Variants in NTRK2 observed in about 807,000 individuals in gnomAD.
NTRK2 encodes the protein neurotrophic receptor tyrosine kinase 2.
Under a neutral mutation model 94.5 loss-of-function variants are expected in NTRK2, and 13 were observed. That is an observed-to-expected ratio of 0.14 (90% CI 0.09 to 0.22). The LOEUF (loss-of-function observed/expected upper bound fraction) is 0.22. NTRK2 is among the 10% of genes least tolerant of loss of function. The pLI is 1.00. For synonymous variants in NTRK2, 372 were observed against 407.4 expected (o/e 0.91, Z 1.05); for missense variants, 639 against 1,071.2 (o/e 0.60, Z 5.63).
chr9:84,940,301 C>G (rs773183823), intron 15 of NTRK2, among the ~76,000 whole-genome samples: 17 of 152,180 alleles, frequency 1.1e-4, no homozygotes, highest in Non-Finnish European at 1.8e-4. Flanking sequence ...ATGAGAAGAG[C>G]TGGTATCTGA....
chr9:84,797,698 T>A (rs1196374914), intron 12 of NTRK2, among the ~76,000 whole-genome samples: 1 of 81,462 alleles, frequency 1.2e-5, no homozygotes, highest in Non-Finnish European at 2.2e-5. Flanking sequence ...ATATATATAT[T>A]ATATATACTA....
Position 84,818,731 on chromosome 9 carries a change from A to G in NTRK2, c.1397-42309A>G, listed in dbSNP as rs147443896. Among the ~76,000 whole-genome samples the G allele has an allele frequency of 7.5e-3, 1,136 of 152,238 alleles. 7 individuals are homozygous for G. Among genetic ancestry groups the G allele is most frequent in the Non-Finnish European group, 0.011 (770 of 68,010 alleles). On this transcript the variant is annotated intron_variant, in intron 12 of 18. Transcript: ENST00000277120. ...ACTTTAGTACTTCCCATTCTTTTGG[A>G]GTAGTCCCTACTCTCTGGTGAGTGA...
chr9:84,816,077 T>C (rs1474347291), intron 12 of NTRK2, among the ~76,000 whole-genome samples: 1 of 152,058 alleles, frequency 6.6e-6, no homozygotes, highest in Non-Finnish European at 1.5e-5. Flanking sequence ...AAATTTGAAA[T>C]GACCCAGGTC....
At chr9:84,841,045 A>G (rs780883816) in intron 12 of NTRK2, among the ~76,000 whole-genome samples, 11 of 152,190 alleles carry the variant, frequency 7.2e-5, no homozygotes, top group Non-Finnish European at 1.3e-4. Flanking sequence ...CCTGAAGCTC[A>G]GTCTTTGAGA....
At chr9:84,682,715 G>C (rs993276149) in intron 2 of NTRK2, among the ~76,000 whole-genome samples, 1 of 152,036 alleles carries the variant, frequency 6.6e-6, no homozygotes, top group Non-Finnish European at 1.5e-5. Context: ...AGAAATCTTT[G>C]TCTTACATAT....
chr9:84,959,853 G>A (rs998687252), intron 17 of NTRK2, among the ~76,000 whole-genome samples: 1 of 152,168 alleles, frequency 6.6e-6, no homozygotes, highest in Non-Finnish European at 1.5e-5. Flanking sequence ...GTGCCGCATT[G>A]AGACCATTTA....
At chr9:84,717,313 A>G (rs1231275146) in intron 6 of NTRK2, among the ~76,000 whole-genome samples, 1 of 152,216 alleles carries the variant, frequency 6.6e-6, no homozygotes, top group African/African-American at 2.4e-5. Context: ...CCCAACCTTA[A>G]CCCATCTTAT....
intron 14 of NTRK2, among the ~76,000 whole-genome samples, chr9:84,933,088 C>T (rs2078094888): frequency 6.6e-6 from 1 of 152,118 alleles, no homozygotes; most frequent in Admixed American, 6.6e-5. Flanking sequence ...GATTGTGAGA[C>T]TGAAATGAGA....
At chr9:84,914,536 T>C (rs922494693) in intron 14 of NTRK2, among the ~76,000 whole-genome samples, 2 of 152,194 alleles carry the variant, frequency 1.3e-5, no homozygotes, top group Non-Finnish European at 2.9e-5. Context: ...CAGGTGAAGG[T>C]AGAAGTCCAT....
intron 12 of NTRK2, among the ~76,000 whole-genome samples, chr9:84,785,694 T>A (rs1297196511): frequency 6.6e-6 from 1 of 152,192 alleles, no homozygotes; most frequent in Non-Finnish European, 1.5e-5. Flanking sequence ...TTACACAGTG[T>A]TTATGGGCAT....
chr9:84,710,132 T>C (rs2061344339), intron 5 of NTRK2, among the ~76,000 whole-genome samples: 1 of 152,238 alleles, frequency 6.6e-6, no homozygotes, highest in Admixed American at 6.5e-5. Context: ...GCATTCACAA[T>C]TTAGTCTTAG....
At chr9:84,891,036 A>G (rs575504671) in intron 14 of NTRK2, among the ~76,000 whole-genome samples, 3 of 152,188 alleles carry the variant, frequency 2.0e-5, no homozygotes, top group Non-Finnish European at 4.4e-5. Context: ...TACTTTTCCC[A>G]TAGTCCCATG....
At position 84,752,058 on chromosome 9, in the gene NTRK2, G is replaced by A. The variant is rs2275857; in HGVS notation, c.1369G>A (p.Ala457Thr). Reference protein sequence around the residue: ...LLVMLFLLKLARHSKFGMKDF... With the variant: ...LLVMLFLLKLTRHSKFGMKDF... ...GGTAATGCTGTTTCTGCTTAAGTTG[G>A]CAAGACACTCCAAGTTTGGCATGAA... Residue 457 changes from alanine (A) to threonine (T), a missense_variant, in exon 12 of 19, where the codon GCA becomes ACA. Ala to Thr is a moderately conservative substitution (Grantham distance 58). This residue lies in a region of NTRK2 where 343 missense variants were observed against 571.5 expected (regional missense o/e 0.60). Transcript: ENST00000277120. 2 of 1,613,992 alleles carry A rather than the reference G, an allele frequency of 1.2e-6. No individual in the cohort carries two copies. Among genetic ancestry groups the A allele is most frequent in the Non-Finnish European group, 1.7e-6 (2 of 1,179,922 alleles).
At chr9:84,856,617 C>T (rs117016435) in intron 12 of NTRK2, among the ~76,000 whole-genome samples, 211 of 152,168 alleles carry the variant, frequency 1.4e-3, no homozygotes, top group Non-Finnish European at 2.0e-3. Flanking sequence ...CAAAGCAGCC[C>T]GGGGACTCCT....
intron 17 of NTRK2, among the ~76,000 whole-genome samples, chr9:84,957,971 A>C (rs1824369257): frequency 6.6e-6 from 1 of 152,244 alleles, no homozygotes; most frequent in Admixed American, 6.5e-5. Context: ...ACAGTGTGCT[A>C]AGTGAAAGAA....
rs777930311 is a variant in NTRK2, at chr9:85,026,892, T to A, written c.*5455T>A. On this transcript the variant is annotated 3_prime_UTR_variant, in exon 19 of 19. Coordinates refer to ENST00000277120, the MANE Select transcript of NTRK2 (RefSeq NM_006180.6). The stretch of plus-strand genomic sequence containing the variant: ...CATTGCTTTACTAAGACCCACTGCA[T>A]CTTGGCTGATTTCAAAGTGACACCT... The A allele has an allele frequency of 4.3e-6, 1 of 232,666 alleles. No homozygotes were observed. The highest frequency in any genetic ancestry group is 2.2e-5 in the African/African-American group (1 of 45,282). The allele number at this position is 232,666 out of a possible 1,614,324, so 14.4% of individuals were successfully genotyped here. A position where few individuals can be genotyped will look rare whatever the true frequency, so the allele number is the denominator to read the frequency against.
intron 12 of NTRK2, among the ~76,000 whole-genome samples, chr9:84,843,528 G>C (rs774176240): frequency 9.2e-5 from 14 of 152,142 alleles, no homozygotes; most frequent in Non-Finnish European, 1.6e-4. Flanking sequence ...CTTTTTACCA[G>C]GGAAAGTTGC....
Position 84,941,723 on chromosome 9 carries a change from AG to A in NTRK2, c.1765-6737del, listed in dbSNP as rs2078415735. 3.3e-5 allele frequency among the ~76,000 whole-genome samples: 5 copies of A among 152,308 alleles called. No individual in the cohort carries two copies. The South Asian group carries it at 1.0e-3, about 32-fold the overall frequency. ...AATATATTGCAGTTGTCCACATTGG[AG>A]GTCAACTTCTGATTCACTCTCTTTT... On this transcript the variant is annotated intron_variant, in intron 15 of 18. Transcript: ENST00000277120.
chr9:84,949,498 C>T (rs1408862848), intron 16 of NTRK2, among the ~76,000 whole-genome samples: 3 of 152,004 alleles, frequency 2.0e-5, no homozygotes, highest in Admixed American at 1.3e-4. Flanking sequence ...GACAGAGTCT[C>T]GCTCTGTCAC....
Sources: allele counts gnomAD v4.1 joint callset (sites outside exome capture counted in the v4.1 genomes callset), GRCh38; gene constraint gnomAD v4.1.1; regional missense constraint gnomAD v4.1.1; transcripts MANE v1.5; gene names NCBI Gene and HGNC (gene_info 2026-07-23, HGNC 2026-07-21).